The following COL28A1 variants were observed in gnomAD, a reference collection of about 807,000 sequenced individuals.
The protein encoded by COL28A1 is collagen type XXVIII alpha 1 chain.
In COL28A1, 161 loss-of-function variants were observed where a neutral mutation model predicts 150.2. That is an observed-to-expected ratio of 1.07 (90% CI 0.94 to 1.22). The LOEUF (loss-of-function observed/expected upper bound fraction) is 1.22, where lower values mean the gene tolerates loss of function less well. COL28A1 is among the 50% of genes most tolerant of loss of function. The pLI is 0.00. For missense variants in COL28A1, 1,617 were observed against 1,388.3 expected (o/e 1.16, Z -2.62); for synonymous variants, 552 against 469.7 (o/e 1.18, Z -2.26).
the COL28A1 span, among the ~76,000 whole-genome samples, chr7:7,349,103 C>G: frequency 4.0e-4 from 61 of 152,046 alleles, no homozygotes; most frequent in African/African-American, 1.4e-3. Context: ...TTTAAAATTT[C>G]CTCTATGGTT....
chr7:7,482,013 C>T (rs1241325361), intron 13 of COL28A1, among the ~76,000 whole-genome samples: 1 of 151,990 alleles, frequency 6.6e-6, no homozygotes, highest in Non-Finnish European at 1.5e-5. Context: ...GTGGTAATCA[C>T]ATAAAGATGA....
chr7:7,522,806 C>CCAAAAAAAAAAA (rs1460030225), intron 4 of COL28A1, among the ~76,000 whole-genome samples: 1 of 93,158 alleles, frequency 1.1e-5, no homozygotes, highest in African/African-American at 5.1e-5. Flanking sequence ...AGCTGAAGAG[C>CCAAAAAAAAAAA]AAAAAAAAAA....
intron 15 of COL28A1, among the ~76,000 whole-genome samples, chr7:7,468,488 T>A (rs1788206490): frequency 8.9e-6 from 1 of 112,390 alleles, no homozygotes; most frequent in Admixed American, 9.7e-5. Context: ...CCAAAAAGAG[T>A]CCAGGACCAG....
chr7:7,407,672 CA>C (rs1783561747), intron 27 of COL28A1, among the ~76,000 whole-genome samples: 1 of 151,274 alleles, frequency 6.6e-6, no homozygotes, highest in Non-Finnish European at 1.5e-5. Context: ...AGACTTTTAC[CA>C]AAAAAAATTC....
intron 27 of COL28A1, among the ~76,000 whole-genome samples, chr7:7,384,872 T>C (rs1180558111): frequency 6.6e-6 from 1 of 152,214 alleles, no homozygotes. Context: ...TTGTCCTGTT[T>C]CCAAAGATGG....
chr7:7,540,230 C>T (rs1260843170), upstream of COL28A1, among the ~76,000 whole-genome samples: 2 of 152,082 alleles, frequency 1.3e-5, no homozygotes, highest in East Asian at 1.9e-4. Flanking sequence ...TCATGCAGAG[C>T]CTACAAATAG....
intron 13 of COL28A1, among the ~76,000 whole-genome samples, chr7:7,484,640 G>A (rs1779525940): frequency 6.6e-6 from 1 of 152,132 alleles, no homozygotes; most frequent in African/African-American, 2.4e-5. Context: ...AAGTAAAAGT[G>A]TCATATGGTC....
chr7:7,520,256 C>A, intron 5 of COL28A1, 141 bp from the exon 6 acceptor site: 1 of 519,234 alleles, frequency 1.9e-6, no homozygotes, highest in Non-Finnish European at 3.4e-6. Context: ...ATTCAATTCT[C>A]TTCTCCCTTT....
Position 7,531,407 on chromosome 7 carries a change from T to G in COL28A1, c.622A>C (p.Ser208Arg). The change falls in exon 3 of 35, where the codon AGT becomes CGT. Residue 208 changes from serine to arginine, a missense_variant. Coordinates refer to ENST00000399429, the MANE Select transcript of COL28A1 (RefSeq NM_001037763.3). Reference protein sequence around the residue: ...KLRLISGDSSSEPTLLLSDPT... With the variant: ...KLRLISGDSSREPTLLLSDPT... ...TCACTCAACAGTAAAGTGGGTTCAC[T>G]GGATGAATCCCCAGAAATCAAACGA... 1 of 1,600,810 alleles carries G rather than the reference T, an allele frequency of 6.2e-7. No homozygotes were observed. Among genetic ancestry groups the G allele is most frequent in the Non-Finnish European group, 8.5e-7 (1 of 1,170,306 alleles).
intron 27 of COL28A1, among the ~76,000 whole-genome samples, chr7:7,387,119 T>C (rs1782233447): frequency 6.6e-6 from 1 of 152,082 alleles, no homozygotes; most frequent in African/African-American, 2.4e-5. Context: ...AATTTCAACA[T>C]ATGAATGTGG....
chr7:7,531,774 G>A lies in COL28A1; in HGVS notation c.255C>T (p.Arg85=). 1.2e-6 allele frequency: 2 copies of A among 1,606,770 alleles called. No homozygotes were observed. Among genetic ancestry groups the A allele is most frequent in the Non-Finnish European group, 1.7e-6 (2 of 1,173,304 alleles). ...SDKIFQLTPG[R]SLEYDIKLAA... ...CCAGTTTGATGTCATATTCCAAGGA[G>A]CGACCAGGAGTCAATTGGAAAATCT... Residue 85 remains arginine, a synonymous_variant, in exon 3 of 35, where the codon CGC becomes CGT. Coordinates refer to ENST00000399429, the MANE Select transcript of COL28A1 (RefSeq NM_001037763.3).
intron 34 of COL28A1, 60 bp from the exon 35 acceptor site, chr7:7,358,865 AAAAACTGTATAAAGTTATATAAAT>A (rs1364816663): frequency 5.9e-6 from 8 of 1,362,812 alleles, no homozygotes; most frequent in Non-Finnish European, 8.1e-6. Context: ...CATGAAAAAT[AAAAACTGTATAAAGTTATATAAAT>A]AAACTTTATT....
intron 11 of COL28A1, among the ~76,000 whole-genome samples, chr7:7,493,879 G>C (rs1780061365): frequency 1.3e-5 from 2 of 151,850 alleles, no homozygotes; most frequent in South Asian, 4.2e-4. Context: ...AAGACAGAGA[G>C]ATGGCATGCC....
At chr7:7,422,259 C>A (rs1242899587) in intron 25 of COL28A1, among the ~76,000 whole-genome samples, 2 of 152,152 alleles carry the variant, frequency 1.3e-5, no homozygotes, top group African/African-American at 4.8e-5. Flanking sequence ...TCACCCCAAC[C>A]CACCCCAGAT....
intron 15 of COL28A1, among the ~76,000 whole-genome samples, chr7:7,461,063 G>T (rs1466194529): frequency 6.6e-6 from 1 of 152,214 alleles, no homozygotes; most frequent in East Asian, 1.9e-4. Flanking sequence ...CAGGACCTGG[G>T]AGACATCCCA....
chr7:7,517,681 C>A (rs1392181928), intron 7 of COL28A1, 115 bp downstream of exon 7: 7 of 1,474,072 alleles, frequency 4.7e-6, no homozygotes, highest in Non-Finnish European at 6.5e-6. Flanking sequence ...CCATCAAGAG[C>A]ACAAGGTAGA....
At chr7:7,387,854 G>C (rs996836123) in intron 27 of COL28A1, among the ~76,000 whole-genome samples, 1 of 152,142 alleles carries the variant, frequency 6.6e-6, no homozygotes, top group Non-Finnish European at 1.5e-5. Flanking sequence ...CCTACTCAAA[G>C]TTTGGGAGCC....
chr7:7,364,337 A>G (rs1780823451), intron 33 of COL28A1, among the ~76,000 whole-genome samples: 1 of 152,246 alleles, frequency 6.6e-6, no homozygotes, highest in African/African-American at 2.4e-5. Flanking sequence ...TCGTAAAGGA[A>G]TCCCTCCTCA....
At chr7:7,517,058 A>T (rs1781453832) in intron 7 of COL28A1, among the ~76,000 whole-genome samples, 1 of 152,228 alleles carries the variant, frequency 6.6e-6, no homozygotes, top group South Asian at 2.1e-4. Flanking sequence ...TGTATGCTTT[A>T]TATGTAGAAT....
Sources: allele counts gnomAD v4.1 joint callset (sites outside exome capture counted in the v4.1 genomes callset), GRCh38; gene constraint gnomAD v4.1.1; transcripts MANE v1.5; gene names NCBI Gene and HGNC (gene_info 2026-07-23, HGNC 2026-07-21).